SLC35D1: variants seen among roughly 807,000 people sequenced by gnomAD.
SLC35D1 encodes nucleotide sugar transporter SLC35D1.
Under a neutral mutation model 46.7 loss-of-function variants are expected in SLC35D1, and 31 were observed. That is an observed-to-expected ratio of 0.66 (90% CI 0.50 to 0.90). SLC35D1 has a LOEUF of 0.90. Ranked by LOEUF, SLC35D1 falls within the 40% of genes least tolerant of loss-of-function variation. The pLI is 0.00. For missense variants in SLC35D1, 397 were observed against 426.2 expected, an observed-to-expected ratio of 0.93 and a Z score of 0.60; for synonymous variants, 195 against 164.6, an observed-to-expected ratio of 1.18 and a Z score of -1.41.
intron 10 of SLC35D1, among the ~76,000 whole-genome samples, chr1:67,018,020 T>TGAC (rs762467414): frequency 2.0e-5 from 3 of 152,216 alleles, no homozygotes; most frequent in Non-Finnish European, 4.4e-5. Context: ...TATATTTATC[T>TGAC]GACTTATTTC....
the SLC35D1 span, among the ~76,000 whole-genome samples, chr1:66,992,247 G>C: frequency 6.6e-6 from 1 of 152,218 alleles, no homozygotes; most frequent in African/African-American, 2.4e-5. Context: ...CTGCAAACTT[G>C]TAGTGGCTTT....
At chr1:67,013,359 C>T (rs1179412199) in intron 10 of SLC35D1, among the ~76,000 whole-genome samples, 2 of 150,572 alleles carry the variant, frequency 1.3e-5, no homozygotes, top group Admixed American at 6.6e-5. Context: ...CTAGCCTGGG[C>T]AACATGGCAA....
rs114953308 is a variant in SLC35D1 at position 67,022,888 on chromosome 1, A to G, written c.730-1286T>C. On this transcript the variant is annotated intron_variant, in intron 8 of 11. Transcript: ENST00000235345. ...AACCTCTGATCTACTTTCTGTTACT[A>G]TAACTTCGCTGTTCAACAATTTCCT... 8.2e-3 allele frequency among the ~76,000 whole-genome samples: 1,243 copies of G among 152,282 alleles called. 6 individuals carry two copies. The highest frequency in any genetic ancestry group is 0.027 in the South Asian group (130 of 4,824).
the SLC35D1 span, among the ~76,000 whole-genome samples, chr1:66,993,489 G>C: frequency 6.6e-6 from 1 of 152,112 alleles, no homozygotes; most frequent in African/African-American, 2.4e-5. Context: ...CCGGTAGGTG[G>C]CAAGATGGGG....
intron 10 of SLC35D1, among the ~76,000 whole-genome samples, chr1:67,013,171 C>CATATGTATATATATATATATATATATGTG (rs1484938863): frequency 1.2e-3 from 7 of 5,872 alleles, no homozygotes; most frequent in South Asian, 9.3e-3. Context: ...TATATATATC[C>CATATGTATATATATATATATATATATGTG]TGTTCTTAAA....
At position 67,009,158 on chromosome 1, in the gene SLC35D1, T is replaced by A; in HGVS notation, c.886A>T (p.Ile296Leu). The stretch of plus-strand genomic sequence containing the variant: ...CCAAAGACCATTCCAATATAAGTTA[T>A]TAATATATTCTAAAAATAAAAATAG... Reference protein sequence around the residue: ...TIVGCIKNILITYIGMVFGGD... With the variant: ...TIVGCIKNILLTYIGMVFGGD... Residue 296 changes from isoleucine to leucine, a missense_variant, in exon 11 of 12, where the codon ATA (isoleucine) becomes TTA (leucine). Physicochemically the swap from Ile to Leu is conservative, Grantham distance 5. Transcript: ENST00000235345. The A allele has an allele frequency of 1.5e-6, 2 of 1,334,946 alleles. No individual in the cohort carries two copies. Among genetic ancestry groups the A allele is most frequent in the East Asian group, 5.0e-5 (2 of 40,336 alleles). 82.7% of individuals were successfully genotyped at this position (1,334,946 alleles called of 1,614,324 possible).
chr1:67,037,063 A>T (rs1668138640), intron 8 of SLC35D1, among the ~76,000 whole-genome samples: 1 of 152,128 alleles, frequency 6.6e-6, no homozygotes, highest in Non-Finnish European at 1.5e-5. Flanking sequence ...GCAAAAAGAA[A>T]ACTAATAAGA....
At chr1:67,051,474 C>A (rs1426679499) in intron 4 of SLC35D1, among the ~76,000 whole-genome samples, 1 of 152,288 alleles carries the variant, frequency 6.6e-6, no homozygotes, top group South Asian at 2.1e-4. Flanking sequence ...GAGAGGAGAG[C>A]TATTGCTTCT....
At chr1:66,978,821 T>A in the SLC35D1 span, among the ~76,000 whole-genome samples, 6 of 152,334 alleles carry the variant, frequency 3.9e-5, no homozygotes, top group South Asian at 1.2e-3. Context: ...CTCTGTGATG[T>A]CAAGATCAAC....
Position 67,004,193 on chromosome 1 carries a change from G to A in SLC35D1, c.*147C>T. 1.4e-6 allele frequency: 1 copy of A among 696,926 alleles called. No individual in the cohort carries two copies. The highest frequency in any genetic ancestry group is 1.8e-5 in the African/African-American group (1 of 56,212). The allele number at this position is 696,926 out of a possible 1,614,324, so 43.2% of individuals were successfully genotyped here. A position where few individuals can be genotyped will look rare whatever the true frequency, so the allele number is the denominator to read the frequency against. ...TTTCTCTCTTCATAAAATTTTAAAA[G>A]GCAGCAATCAATCCTCAGATTGTAC... On this transcript the variant is annotated 3_prime_UTR_variant, in exon 12 of 12. Coordinates refer to ENST00000235345, the MANE Select transcript of SLC35D1 (RefSeq NM_015139.3).
chr1:67,011,451 TA>T (rs1223947131), intron 10 of SLC35D1, among the ~76,000 whole-genome samples: 1 of 152,106 alleles, frequency 6.6e-6, no homozygotes, highest in African/African-American at 2.4e-5. Context: ...AAGTGGATGG[TA>T]AAAAAACAAT....
At position 67,003,444 on chromosome 1, in the gene SLC35D1, T is replaced by G. The variant is rs1667383698; in HGVS notation, c.*896A>C. On this transcript the variant is annotated 3_prime_UTR_variant, in exon 12 of 12. Transcript: ENST00000235345. The stretch of plus-strand genomic sequence containing the variant: ...GGTGTTCTTAATCCAATTTACAGAT[T>G]TGCGGCTTTTGAGTGCTGAAACAAC... 1 of 152,220 alleles carries G rather than the reference T, an allele frequency of 6.6e-6. No individual in the cohort carries two copies. The highest frequency in any genetic ancestry group is 1.5e-5 in the Non-Finnish European group (1 of 68,062). 9.4% of individuals were successfully genotyped at this position (152,220 alleles called of 1,614,324 possible). A position where few individuals can be genotyped will look rare whatever the true frequency, so the allele number is the denominator to read the frequency against.
At chr1:67,044,072 A>T (rs1415453777) in intron 7 of SLC35D1, among the ~76,000 whole-genome samples, 1 of 152,238 alleles carries the variant, frequency 6.6e-6, no homozygotes, top group Non-Finnish European at 1.5e-5. Flanking sequence ...GCAGTGGCTC[A>T]TGCCTGTCAT....
chr1:66,975,244 A>G, the SLC35D1 span, among the ~76,000 whole-genome samples: 3 of 152,196 alleles, frequency 2.0e-5, no homozygotes, highest in Non-Finnish European at 2.9e-5. Context: ...AATGGTCAGT[A>G]TTGCCGGTGC....
At chr1:67,043,307 A>C (rs920029096) in intron 7 of SLC35D1, among the ~76,000 whole-genome samples, 1 of 152,132 alleles carries the variant, frequency 6.6e-6, no homozygotes, top group Non-Finnish European at 1.5e-5. Flanking sequence ...TCAAGGCTGC[A>C]GTGAGCCAAG....
the SLC35D1 span, among the ~76,000 whole-genome samples, chr1:66,989,243 G>T: frequency 9.2e-5 from 14 of 152,294 alleles, no homozygotes; most frequent in African/African-American, 3.4e-4. Flanking sequence ...AAGTTTGGAA[G>T]AGAGGACGCC....
At chr1:66,986,645 A>G in the SLC35D1 span, 2 of 557,634 alleles carry the variant, frequency 3.6e-6, no homozygotes, top group East Asian at 5.7e-5. Flanking sequence ...CAGTGTTAAA[A>G]GCCACTTTGC....
intron 4 of SLC35D1, among the ~76,000 whole-genome samples, chr1:67,051,396 A>G (rs912536841): frequency 2.0e-5 from 3 of 152,220 alleles, no homozygotes; most frequent in African/African-American, 2.4e-5. Context: ...CACACAACCG[A>G]TATGTACACT....
chr1:66,987,871 C>T, the SLC35D1 span: 1 of 152,128 alleles, frequency 6.6e-6, no homozygotes, highest in African/African-American at 2.4e-5. Flanking sequence ...TTTTTGTCTT[C>T]TTCCCCTTTG....
Sources: allele counts gnomAD v4.1 joint callset (sites outside exome capture counted in the v4.1 genomes callset), GRCh38; gene constraint gnomAD v4.1.1; transcripts MANE v1.5; gene names NCBI Gene and HGNC (gene_info 2026-07-23, HGNC 2026-07-21).